The following PLPPR5 variants were observed in gnomAD, a reference collection of about 807,000 sequenced individuals.
The protein encoded by PLPPR5 is phospholipid phosphatase related 5.
PLPPR5 carries 16 observed loss-of-function variants against 33.9 expected under a neutral mutation model. That is an observed-to-expected ratio of 0.47 (90% CI 0.32 to 0.72). PLPPR5 has a LOEUF of 0.72. Ranked by LOEUF, PLPPR5 falls within the 30% of genes least tolerant of loss-of-function variation. The probability of loss-of-function intolerance (pLI) is 0.03; values close to 1 mark genes in which losing one functional copy is unlikely to be tolerated. For missense variants in PLPPR5, 301 were observed against 406.7 expected, an observed-to-expected ratio of 0.74 and a Z score of 2.23; for synonymous variants, 163 against 150.3, an observed-to-expected ratio of 1.08 and a Z score of -0.62.
chr1:98,954,812 C>A (rs309064), intron 2 of PLPPR5, among the ~76,000 whole-genome samples: 106,980 of 151,746 alleles, frequency 0.7, 38,703 homozygotes, highest in East Asian at 0.95. Context: ...CCAAAATCTC[C>A]TGGCCAAGCA....
In PLPPR5 at chr1:98,957,080, G is replaced by A. The variant is rs533755951; in HGVS notation, c.238-339C>T. On this transcript the variant is annotated intron_variant, in intron 1 of 5. Coordinates refer to ENST00000263177, the MANE Select transcript of PLPPR5 (RefSeq NM_001037317.2). Reference sequence around the variant, plus strand: ...AAATCATCATTCTCAGTAAACTATCGCAAGAACAAAAAACCAAACACCACA... The same window carrying A: ...AAATCATCATTCTCAGTAAACTATCACAAGAACAAAAAACCAAACACCACA... 1.7e-3 allele frequency among the ~76,000 whole-genome samples: 252 copies of A among 150,644 alleles called. 1 individual carries two copies. Among genetic ancestry groups the A allele is most frequent in the Non-Finnish European group, 3.1e-3 (208 of 67,788 alleles).
At chr1:98,920,546 A>G (rs987888940) in intron 4 of PLPPR5, among the ~76,000 whole-genome samples, 2 of 130,506 alleles carry the variant, frequency 1.5e-5, no homozygotes, top group African/African-American at 5.5e-5. Context: ...CAGAAGGTTG[A>G]GTCTAAGTCT....
chr1:98,954,602 A>C (rs1238119320), intron 2 of PLPPR5, among the ~76,000 whole-genome samples: 1 of 152,096 alleles, frequency 6.6e-6, no homozygotes, highest in Non-Finnish European at 1.5e-5. Flanking sequence ...AAAAACCCCC[A>C]CACAGCAAAA....
chr1:98,941,683 A>C (rs1260965842), intron 3 of PLPPR5, among the ~76,000 whole-genome samples: 1 of 151,770 alleles, frequency 6.6e-6, no homozygotes, highest in Non-Finnish European at 1.5e-5. Flanking sequence ...TGACAGAACA[A>C]AGCAGTAAAT....
chr1:98,907,404 G>A (rs749938550), intron 5 of PLPPR5, among the ~76,000 whole-genome samples: 16 of 151,994 alleles, frequency 1.1e-4, no homozygotes, highest in Non-Finnish European at 2.2e-4. Context: ...GTTTTGTCAT[G>A]TCGGCCCTCG....
At chr1:98,972,853 A>C (rs1651705494) in intron 1 of PLPPR5, among the ~76,000 whole-genome samples, 1 of 152,076 alleles carries the variant, frequency 6.6e-6, no homozygotes, top group Non-Finnish European at 1.5e-5. Flanking sequence ...AAGCATGAAG[A>C]GACTTCTGGT....
intron 1 of PLPPR5, among the ~76,000 whole-genome samples, chr1:98,969,543 G>A (rs900601580): frequency 6.6e-6 from 1 of 151,964 alleles, no homozygotes; most frequent in Non-Finnish European, 1.5e-5. Context: ...TGACCTTTTG[G>A]ATCTATGGCT....
chr1:98,917,808 T>C (rs1329465), intron 4 of PLPPR5, among the ~76,000 whole-genome samples: 28,340 of 152,168 alleles, frequency 0.19, 2,920 homozygotes, highest in African/African-American at 0.26. Context: ...AATACTTTGA[T>C]TGATGTGTCT....
intron 1 of PLPPR5, among the ~76,000 whole-genome samples, chr1:98,976,643 T>A (rs1375215102): frequency 6.6e-6 from 1 of 151,994 alleles, no homozygotes; most frequent in Non-Finnish European, 1.5e-5. Flanking sequence ...CAGATTGAGG[T>A]GTGCTGTAAG....
chr1:98,988,507 C>G (rs1652339409), intron 1 of PLPPR5, among the ~76,000 whole-genome samples: 1 of 152,034 alleles, frequency 6.6e-6, no homozygotes, highest in African/African-American at 2.4e-5. Flanking sequence ...CTAGTTTCCT[C>G]CAATATTGGG....
At chr1:98,931,622 C>T (rs1483168007) in intron 3 of PLPPR5, among the ~76,000 whole-genome samples, 1 of 152,062 alleles carries the variant, frequency 6.6e-6, no homozygotes, top group Non-Finnish European at 1.5e-5. Context: ...GGTAAGACTA[C>T]TTACCTTCAA....
At chr1:99,002,953 C>T (rs542740993) in intron 1 of PLPPR5, among the ~76,000 whole-genome samples, 4 of 148,076 alleles carry the variant, frequency 2.7e-5, no homozygotes, top group Non-Finnish European at 6.0e-5. Flanking sequence ...CCCCAAAAAT[C>T]GACCTTTTTT....
At chr1:98,908,400 T>A (rs190355125) in intron 5 of PLPPR5, among the ~76,000 whole-genome samples, 1 of 151,974 alleles carries the variant, frequency 6.6e-6, no homozygotes, top group Non-Finnish European at 1.5e-5. Context: ...AATATAGGAG[T>A]GTAAAAGTAA....
chr1:99,004,824 G>A lies in PLPPR5; in HGVS notation c.-153C>T, dbSNP rs1339745499. 5 of 334,472 alleles carry A rather than the reference G, an allele frequency of 1.5e-5. No individual in the cohort carries two copies. Among genetic ancestry groups the A allele is most frequent in the Non-Finnish European group, 2.5e-5 (5 of 197,824 alleles). The allele number at this position is 334,472 out of a possible 1,614,324, so 20.7% of individuals were successfully genotyped here. A position where few individuals can be genotyped will look rare whatever the true frequency, so the allele number is the denominator to read the frequency against. ...GCGGGATGGAGCCGCTGGAGGAAGAGGCGGAGGCAGGTCCGGGCTTCGAGG... is the reference window on the plus strand; with the variant it reads ...GCGGGATGGAGCCGCTGGAGGAAGAAGCGGAGGCAGGTCCGGGCTTCGAGG... On this transcript the variant is annotated 5_prime_UTR_variant, in exon 1 of 6. Transcript: ENST00000263177.
At chr1:98,986,985 T>C (rs550968971) in intron 1 of PLPPR5, among the ~76,000 whole-genome samples, 3 of 151,974 alleles carry the variant, frequency 2.0e-5, no homozygotes, top group African/African-American at 7.2e-5. Context: ...TTCTTCTCCA[T>C]ACTGAAAGAG....
chr1:98,998,834 T>C (rs1305030437), intron 1 of PLPPR5, among the ~76,000 whole-genome samples: 1 of 152,184 alleles, frequency 6.6e-6, no homozygotes, highest in African/African-American at 2.4e-5. Flanking sequence ...CTATTTCTCA[T>C]TTATAAAATA....
chr1:98,920,023 T>C (rs1199901221), intron 4 of PLPPR5, among the ~76,000 whole-genome samples: 1 of 152,182 alleles, frequency 6.6e-6, no homozygotes. Context: ...TTTTTACATA[T>C]AATCCTTTCA....
intron 3 of PLPPR5, among the ~76,000 whole-genome samples, chr1:98,934,342 T>C (rs952096596): frequency 5.3e-5 from 8 of 152,154 alleles, no homozygotes; most frequent in Non-Finnish European, 5.9e-5. Flanking sequence ...AGACTGTGTG[T>C]TTATGGCAGA....
chr1:98,943,025 C>A (rs1485853607), intron 3 of PLPPR5, among the ~76,000 whole-genome samples: 1 of 152,194 alleles, frequency 6.6e-6, no homozygotes, highest in Non-Finnish European at 1.5e-5. Flanking sequence ...ATTGTCATAA[C>A]AATGCACAAA....
Sources: allele counts gnomAD v4.1 joint callset (sites outside exome capture counted in the v4.1 genomes callset), GRCh38; gene constraint gnomAD v4.1.1; transcripts MANE v1.5; gene names NCBI Gene and HGNC (gene_info 2026-07-23, HGNC 2026-07-21).